The following DMD variants were observed in gnomAD, a reference collection of about 807,000 sequenced individuals.
DMD encodes the protein mutant dystrophin.
Under a neutral mutation model 330.1 loss-of-function variants are expected in DMD, and 63 were observed. That is an observed-to-expected ratio of 0.19 (90% CI 0.16 to 0.24). DMD has a LOEUF of 0.24. Among genes scored for constraint, DMD ranks in the 10% least tolerant of loss-of-function variants. The probability of loss-of-function intolerance (pLI) is 1.00; values close to 1 mark genes in which losing one functional copy is unlikely to be tolerated. For synonymous variants in DMD, 1,223 were observed against 959.8 expected (o/e 1.27, Z -5.07); for missense variants, 3,344 against 2,684.1 (o/e 1.25, Z -5.43).
At chrX:31,289,034 C>G (rs1217145458) in intron 62 of DMD, among the ~76,000 whole-genome samples, 1 of 108,726 alleles carries the variant, frequency 9.2e-6, no homozygotes, top group Admixed American at 9.9e-5. Context: ...AATCCTGGCA[C>G]GTTGGGAGGT....
intron 44 of DMD, among the ~76,000 whole-genome samples, chrX:32,191,208 G>C (rs922782233): frequency 9.0e-6 from 1 of 111,654 alleles, no homozygotes; most frequent in South Asian, 3.7e-4. Context: ...TCTATCGAGA[G>C]ACTGTGTACC....
chrX:32,481,653 C>T (rs1288794037), intron 21 of DMD, among the ~76,000 whole-genome samples: 3 of 111,612 alleles, frequency 2.7e-5, no homozygotes, highest in Non-Finnish European at 5.7e-5. Flanking sequence ...TCCTAATGTC[C>T]TTTCTCCAAC....
chrX:33,324,514 T>G (rs1343220005), intron 1 of DMD, among the ~76,000 whole-genome samples: 1 of 111,861 alleles, frequency 8.9e-6, no homozygotes, highest in Non-Finnish European at 1.9e-5. Flanking sequence ...TTGAAATTAG[T>G]TTTTGATTAA....
At chrX:31,891,048 C>T (rs1041648632) in intron 47 of DMD, among the ~76,000 whole-genome samples, 1 of 111,608 alleles carries the variant, frequency 9.0e-6, no homozygotes, top group African/African-American at 3.3e-5. Flanking sequence ...TGAAACATGG[C>T]TAACAAAGAA....
At chrX:32,128,578 C>G (rs1378786879) in intron 44 of DMD, among the ~76,000 whole-genome samples, 1 of 111,805 alleles carries the variant, frequency 8.9e-6, no homozygotes, top group Non-Finnish European at 1.9e-5. Flanking sequence ...TTCAAAATAA[C>G]TACATCATTC....
intron 1 of DMD, among the ~76,000 whole-genome samples, chrX:33,172,386 G>A (rs1229520830): frequency 9.0e-6 from 1 of 111,578 alleles, no homozygotes; most frequent in African/African-American, 3.3e-5. Flanking sequence ...ATAAACAGGG[G>A]CTAAAATTTC....
Position 32,368,545 on chromosome X carries a change from C to T in DMD, c.4846-3346G>A, listed in dbSNP as rs764589615. Among the ~76,000 whole-genome samples, 74 of 111,588 alleles carry T rather than the reference C, an allele frequency of 6.6e-4. 1 individual carries two copies. Among genetic ancestry groups the T allele is most frequent in the Admixed American group, 4.7e-3 (49 of 10,478 alleles). On this transcript the variant is annotated intron_variant, in intron 34 of 78. Coordinates refer to ENST00000357033, the MANE Select transcript of DMD (RefSeq NM_004006.3). ...AGAATACATTTGATGAGGTTGTTGACGAACCATTTTCTCTGGCTCTAATAG... is the reference window on the plus strand; with the variant it reads ...AGAATACATTTGATGAGGTTGTTGATGAACCATTTTCTCTGGCTCTAATAG...
chrX:32,590,735 T>C (rs1432841097), intron 13 of DMD, among the ~76,000 whole-genome samples: 1 of 111,325 alleles, frequency 9.0e-6, no homozygotes, highest in Non-Finnish European at 1.9e-5. Flanking sequence ...TCTAAGGCCT[T>C]TGGCCTCACA....
chrX:31,896,819 G>A (rs1324630989), intron 47 of DMD, among the ~76,000 whole-genome samples: 4 of 111,445 alleles, frequency 3.6e-5, no homozygotes, highest in African/African-American at 9.7e-5. Context: ...TGACTTATAA[G>A]TAGTACATTA....
intron 51 of DMD, among the ~76,000 whole-genome samples, chrX:31,756,486 ACACG>A (rs1238080331): frequency 4.7e-5 from 5 of 105,598 alleles, no homozygotes; most frequent in East Asian, 3.5e-4. Flanking sequence ...ACACACACAC[ACACG>A]CGCATGCACG....
intron 59 of DMD, among the ~76,000 whole-genome samples, chrX:31,477,576 T>C (rs755479404): frequency 9.0e-6 from 1 of 111,168 alleles, no homozygotes; most frequent in African/African-American, 3.3e-5. Flanking sequence ...ATAATGATTT[T>C]CCCTCATTTC....
At chrX:33,172,118 C>A (rs1045283763) in intron 1 of DMD, among the ~76,000 whole-genome samples, 1 of 110,954 alleles carries the variant, frequency 9.0e-6, no homozygotes, top group Non-Finnish European at 1.9e-5. Context: ...ATTCAACAAA[C>A]CTTTATTGAG....
intron 25 of DMD, among the ~76,000 whole-genome samples, chrX:32,460,143 T>A (rs917254150): frequency 1.1e-4 from 12 of 110,630 alleles, no homozygotes; most frequent in Admixed American, 3.9e-4. Flanking sequence ...TCGGTAATCA[T>A]CAAATAAATG....
At chrX:33,205,722 C>A (rs867010581) in intron 1 of DMD, among the ~76,000 whole-genome samples, 1 of 111,672 alleles carries the variant, frequency 9.0e-6, no homozygotes, top group Middle Eastern at 4.7e-3. Flanking sequence ...TTTATTTGCC[C>A]ATAATTGGAA....
At chrX:32,487,777 C>T (rs962923658) in intron 20 of DMD, among the ~76,000 whole-genome samples, 80 of 111,429 alleles carry the variant, frequency 7.2e-4, no homozygotes, top group South Asian at 7.4e-4. Context: ...AGATTAAAGA[C>T]GTTTAGCAAA....
At chrX:33,304,295 G>C (rs1376040402) in intron 1 of DMD, among the ~76,000 whole-genome samples, 2 of 110,806 alleles carry the variant, frequency 1.8e-5, no homozygotes, top group Non-Finnish European at 3.8e-5. Context: ...TGACAAACCT[G>C]AGAAAAACAA....
chrX:32,122,952 T>C (rs2096643353), intron 44 of DMD, among the ~76,000 whole-genome samples: 1 of 109,005 alleles, frequency 9.2e-6, no homozygotes, highest in Admixed American at 9.9e-5. Context: ...CACCCCTTAA[T>C]CGGTTTTCTA....
In DMD at chrX:32,644,225, GA is replaced by G; in HGVS notation, c.1237del (p.Ser413GlnfsTer12). 8.3e-7 allele frequency: 1 copy of G among 1,210,483 alleles called. No individual in the cohort carries two copies. Among genetic ancestry groups the G allele is most frequent in the Non-Finnish European group, 1.1e-6 (1 of 894,572 alleles). On this transcript the variant is annotated frameshift_variant, in exon 11 of 79. Transcript: ENST00000357033. LOFTEE classifies it high-confidence loss of function. ...TTGTACTTCAGTTTCTTCATCTTCT[GA>G]TAATTTTCCTGTTCCAATCAGCTTA... ...GSKLIGTGKL[S>X]EDEETEVQEQ... is the part of the protein sequence containing the mutation.
chrX:31,715,223 G>T (rs974667429), intron 52 of DMD, among the ~76,000 whole-genome samples: 8 of 104,944 alleles, frequency 7.6e-5, no homozygotes, highest in African/African-American at 1.4e-4. Context: ...GGGTTGGTGG[G>T]GGGGGAGCTG....
Sources: allele counts gnomAD v4.1 joint callset (sites outside exome capture counted in the v4.1 genomes callset), GRCh38; gene constraint gnomAD v4.1.1; transcripts MANE v1.5; gene names NCBI Gene and HGNC (gene_info 2026-07-23, HGNC 2026-07-21).